Variants in NKAIN1 observed in about 807,000 individuals in gnomAD.
The protein encoded by NKAIN1 is sodium/potassium-transporting ATPase subunit beta-1-interacting protein 1.
In NKAIN1, 13 loss-of-function variants were observed where a neutral mutation model predicts 31.6. The observed-to-expected ratio is 0.41, with a 90% CI of 0.27 to 0.65. The LOEUF is 0.65. NKAIN1 is among the 30% of genes least tolerant of loss of function. The probability of loss-of-function intolerance (pLI) is 0.30; values close to 1 mark genes in which losing one functional copy is unlikely to be tolerated. For synonymous variants in NKAIN1, 104 were observed against 109.0 expected (o/e 0.95, Z 0.28); for missense variants, 193 against 262.2 (o/e 0.74, Z 1.82).
intron 1 of NKAIN1, among the ~76,000 whole-genome samples, chr1:31,230,946 G>A (rs993716213): frequency 5.6e-5 from 8 of 143,320 alleles, no homozygotes; most frequent in African/African-American, 1.6e-4. Flanking sequence ...GTAGTGGCAC[G>A]ATCTTGGCTC....
At chr1:31,193,479 GA>G (rs1178472300) in intron 1 of NKAIN1, among the ~76,000 whole-genome samples, 1 of 151,908 alleles carries the variant, frequency 6.6e-6, no homozygotes, top group Non-Finnish European at 1.5e-5. Flanking sequence ...GGTGGATCAC[GA>G]GGTCAGGAGT....
At position 31,191,397 on chromosome 1, in the gene NKAIN1, GA is replaced by G. The variant is rs1339396704; in HGVS notation, c.55-3211del. On this transcript the variant is annotated intron_variant, in intron 1 of 6. Transcript: ENST00000373736. ...TGACCTTATTGATAGAAAACAGAGA[GA>G]GGTTTTTTTTTTTTTTTTTTTTTAA... is the stretch of plus-strand genomic sequence containing the variant. Among the ~76,000 whole-genome samples the G allele has an allele frequency of 5.0e-3, 626 of 125,450 alleles. 37 individuals are homozygous for G. The East Asian group carries it at 0.11, about 22-fold the overall frequency. 82.3% of individuals were successfully genotyped at this position (125,450 alleles called of 152,430 possible). A position where few individuals can be genotyped will look rare whatever the true frequency, so the allele number is the denominator to read the frequency against.
Position 31,215,563 on chromosome 1 carries a change from C to T in NKAIN1, c.54+23931G>A, listed in dbSNP as rs143848538. Among the ~76,000 whole-genome samples the T allele has an allele frequency of 4.3e-4, 66 of 152,268 alleles. 1 individual carries two copies. The highest frequency in any genetic ancestry group is 1.5e-3 in the African/African-American group (63 of 41,546). On this transcript the variant is annotated intron_variant, in intron 1 of 6. Transcript: ENST00000373736. The stretch of plus-strand genomic sequence containing the variant: ...AACTACTCATTCCTATGCTGAAGCT[C>T]TGATTATCAGCACAGGCCTCCTGCT...
At chr1:31,224,217 G>A (rs1171880911) in intron 1 of NKAIN1, among the ~76,000 whole-genome samples, 2 of 152,182 alleles carry the variant, frequency 1.3e-5, no homozygotes, top group Non-Finnish European at 2.9e-5. Flanking sequence ...GAGAGCCGAT[G>A]ATAGGAGTGG....
intron 2 of NKAIN1, among the ~76,000 whole-genome samples, chr1:31,187,205 A>G (rs995332291): frequency 6.6e-6 from 1 of 152,162 alleles, no homozygotes; most frequent in Non-Finnish European, 1.5e-5. Flanking sequence ...ATGACATTGC[A>G]TGTCATTGTG....
In NKAIN1 at chr1:31,193,091, CGGAG is replaced by C. The variant is rs769394189; in HGVS notation, c.55-4908_55-4905del. Among the ~76,000 whole-genome samples the C allele has an allele frequency of 2.3e-4, 34 of 148,918 alleles. 1 individual carries two copies. The highest frequency in any genetic ancestry group is 1.2e-3 in the Admixed American group (18 of 14,978). On this transcript the variant is annotated intron_variant, in intron 1 of 6. Transcript: ENST00000373736. ...TTTTTATTTTTTTATTTTTTTGAGA[CGGAG>C]TCTCACTCTGTCTCCCAGGCTGGAG...
rs186916530 is a variant in NKAIN1 at position 31,223,332 on chromosome 1, C to T, written c.54+16162G>A. 2.1e-5 allele frequency among the ~76,000 whole-genome samples: 3 copies of T among 146,288 alleles called. 1 individual carries two copies. In the Admixed American group the frequency reaches 2.1e-4, roughly 10 times the overall value. On this transcript the variant is annotated intron_variant, in intron 1 of 6. Coordinates refer to ENST00000373736, the MANE Select transcript of NKAIN1 (RefSeq NM_024522.3). ...CGGAGGTTGCCATGAACTGAGATTG[C>T]TCCACTGCACTCCAGCCTGGGAGAC...
intron 1 of NKAIN1, among the ~76,000 whole-genome samples, chr1:31,195,477 C>T (rs1025310423): frequency 3.9e-5 from 6 of 152,042 alleles, no homozygotes; most frequent in Middle Eastern, 3.2e-3. Context: ...CGGCTGGCCC[C>T]CGCCACCTGC....
chr1:31,206,067 T>A (rs1419670027), intron 1 of NKAIN1, among the ~76,000 whole-genome samples: 3 of 149,566 alleles, frequency 2.0e-5, no homozygotes, highest in Non-Finnish European at 1.5e-5. Context: ...AACCCCCGTC[T>A]CTACTAAAAA....
At chr1:31,200,845 T>A (rs1470946193) in intron 1 of NKAIN1, among the ~76,000 whole-genome samples, 1 of 117,542 alleles carries the variant, frequency 8.5e-6, no homozygotes, top group African/African-American at 5.6e-5. Context: ...CTCGAGTGCC[T>A]TTTTTTTTTT....
intron 1 of NKAIN1, among the ~76,000 whole-genome samples, chr1:31,192,770 T>C (rs1245827449): frequency 6.6e-6 from 1 of 152,124 alleles, no homozygotes; most frequent in African/African-American, 2.4e-5. Context: ...CAGCCTAGTC[T>C]CATACCCTCC....
At chr1:31,214,870 T>G (rs1645498679) in intron 1 of NKAIN1, among the ~76,000 whole-genome samples, 1 of 152,176 alleles carries the variant, frequency 6.6e-6, no homozygotes, top group South Asian at 2.1e-4. Flanking sequence ...AGGGAAGGGC[T>G]GGAGGGGCCG....
chr1:31,231,733 T>C (rs2148368158), intron 1 of NKAIN1, among the ~76,000 whole-genome samples: 1 of 151,900 alleles, frequency 6.6e-6, no homozygotes, highest in African/African-American at 2.4e-5. Flanking sequence ...GGTTTCACAG[T>C]GTTAGCCAGG....
At chr1:31,232,422 TATAGAGAG>T (rs1185888776) in intron 1 of NKAIN1, among the ~76,000 whole-genome samples, 8 of 25,800 alleles carry the variant, frequency 3.1e-4, no homozygotes, top group African/African-American at 9.3e-4. Context: ...TATATATATA[TATAGAGAG>T]AGAGAGAGAG....
At chr1:31,205,369 C>T (rs899991373) in intron 1 of NKAIN1, among the ~76,000 whole-genome samples, 6 of 152,062 alleles carry the variant, frequency 3.9e-5, no homozygotes, top group African/African-American at 1.2e-4. Flanking sequence ...AGTGCAGTGT[C>T]ACAATCTCGG....
At chr1:31,208,850 G>A (rs916279018) in intron 1 of NKAIN1, among the ~76,000 whole-genome samples, 3 of 152,158 alleles carry the variant, frequency 2.0e-5, no homozygotes, top group East Asian at 1.9e-4. Flanking sequence ...CGGACTCTGC[G>A]AGTTGTGATA....
rs1645198526 is a variant in NKAIN1 at position 31,181,636 on chromosome 1, T to G, written c.*67A>C. 2 of 1,417,074 alleles carry G rather than the reference T, an allele frequency of 1.4e-6. No individual in the cohort carries two copies. Among genetic ancestry groups the G allele is most frequent in the South Asian group, 3.2e-5 (2 of 63,342 alleles). 87.8% of individuals were successfully genotyped at this position (1,417,074 alleles called of 1,614,324 possible). A position where few individuals can be genotyped will look rare whatever the true frequency, so the allele number is the denominator to read the frequency against. On this transcript the variant is annotated 3_prime_UTR_variant, in exon 7 of 7. Coordinates refer to ENST00000373736, the MANE Select transcript of NKAIN1 (RefSeq NM_024522.3). ...GCCACCAGGGGGACACGCCTGCGCC[T>G]TGGCCCGAGCTCGCGGCAGCTGCGG...
intron 3 of NKAIN1, 186 bp downstream of exon 3, chr1:31,185,061 T>C: frequency 8.4e-6 from 5 of 596,396 alleles, no homozygotes; most frequent in East Asian, 5.7e-5. Context: ...TGCTCCATCA[T>C]TGTGTTTGAG....
At chr1:31,208,029 G>A (rs1429701444) in intron 1 of NKAIN1, among the ~76,000 whole-genome samples, 1 of 152,014 alleles carries the variant, frequency 6.6e-6, no homozygotes, top group Non-Finnish European at 1.5e-5. Flanking sequence ...TGGCCGCTGG[G>A]CCCCCAAAGC....
Sources: allele counts gnomAD v4.1 joint callset (sites outside exome capture counted in the v4.1 genomes callset), GRCh38; gene constraint gnomAD v4.1.1; transcripts MANE v1.5; gene names NCBI Gene and HGNC (gene_info 2026-07-23, HGNC 2026-07-21).